The following PRKCB variants were observed in gnomAD, a reference collection of about 807,000 sequenced individuals.
The protein encoded by PRKCB is protein kinase C beta type.
A neutral mutation model predicts 81.5 loss-of-function variants in PRKCB; 13 were observed. The observed-to-expected ratio is 0.16, with a 90% CI of 0.10 to 0.25. The LOEUF (loss-of-function observed/expected upper bound fraction) is 0.25, where lower values mean the gene tolerates loss of function less well. Among genes scored for constraint, PRKCB ranks in the 10% least tolerant of loss-of-function variants. The pLI is 1.00. For synonymous variants in PRKCB, 335 were observed against 321.4 expected (o/e 1.04, Z -0.45); for missense variants, 509 against 875.7 (o/e 0.58, Z 5.29).
At chr16:24,067,393 G>A (rs1255068651) in intron 5 of PRKCB, among the ~76,000 whole-genome samples, 1 of 151,840 alleles carries the variant, frequency 6.6e-6, no homozygotes, top group Non-Finnish European at 1.5e-5. Flanking sequence ...TCTACCTCCT[G>A]GGCTCAAGCA....
chr16:23,962,791 T>C (rs577900947), intron 2 of PRKCB, among the ~76,000 whole-genome samples: 154 of 152,312 alleles, frequency 1.0e-3, no homozygotes, highest in African/African-American at 3.6e-3. Flanking sequence ...AGTGGTTTTT[T>C]TGGTTACATG....
chr16:24,092,996 G>C, intron 6 of PRKCB, 49 bp downstream of exon 6: 1 of 1,576,618 alleles, frequency 6.3e-7, no homozygotes, highest in South Asian at 1.2e-5. Context: ...GTTGGGTTAT[G>C]TGCCACCTGA....
At chr16:23,966,566 C>G (rs886116) in intron 2 of PRKCB, among the ~76,000 whole-genome samples, 11,499 of 152,168 alleles carry the variant, frequency 0.076, 478 homozygotes, top group Middle Eastern at 0.13. Context: ...CCCTTCGAAT[C>G]TAAAATCCCT....
At chr16:23,884,052 A>G (rs1963162935) in intron 2 of PRKCB, among the ~76,000 whole-genome samples, 1 of 152,220 alleles carries the variant, frequency 6.6e-6, no homozygotes, top group African/African-American at 2.4e-5. Flanking sequence ...TCAACATTTG[A>G]TATGTATTTT....
Position 24,218,399 on chromosome 16 carries a change from G to C in PRKCB, c.*3583G>C. On this transcript the variant is annotated 3_prime_UTR_variant, in exon 17 of 17. Coordinates refer to ENST00000643927, the MANE Select transcript of PRKCB (RefSeq NM_002738.7). ...CAAGCAGGACAAGACAAAAAGGGCA[G>C]GTGGGACATGGTAGAGATGGACCCT... is the stretch of plus-strand genomic sequence containing the variant. 1 of 985,274 alleles carries C rather than the reference G, an allele frequency of 1.0e-6. No individual in the cohort carries two copies. Among genetic ancestry groups the C allele is most frequent in the Non-Finnish European group, 1.2e-6 (1 of 829,922 alleles). 61.0% of individuals were successfully genotyped at this position (985,274 alleles called of 1,614,324 possible). A position where few individuals can be genotyped will look rare whatever the true frequency, so the allele number is the denominator to read the frequency against.
At chr16:24,105,257 A>G (rs1966560354) in intron 7 of PRKCB, among the ~76,000 whole-genome samples, 2 of 151,880 alleles carry the variant, frequency 1.3e-5, no homozygotes, top group African/African-American at 4.8e-5. Flanking sequence ...GGCCTTCACC[A>G]TGTTGGCCAG....
At chr16:24,140,014 A>C (rs939810471) in intron 9 of PRKCB, among the ~76,000 whole-genome samples, 1 of 152,198 alleles carries the variant, frequency 6.6e-6, no homozygotes, top group Non-Finnish European at 1.5e-5. Flanking sequence ...GCCTTCTCCT[A>C]AACAGACTGT....
intron 5 of PRKCB, among the ~76,000 whole-genome samples, chr16:24,052,402 G>A (rs1020864224): frequency 1.3e-5 from 2 of 152,188 alleles, no homozygotes; most frequent in African/African-American, 2.4e-5. Flanking sequence ...GAAAGAATTC[G>A]AGGCAAATCC....
intron 5 of PRKCB, among the ~76,000 whole-genome samples, chr16:24,089,444 C>T (rs78390272): frequency 0.036 from 5,441 of 152,122 alleles, 125 homozygotes; most frequent in East Asian, 0.11. Context: ...GATGTCAGTA[C>T]GTGTGGAAAT....
rs544733927 is a variant in PRKCB at position 24,218,690 on chromosome 16, C to G, written c.*3874C>G. The G allele has an allele frequency of 3.0e-6, 3 of 985,426 alleles. No homozygotes were observed. The highest frequency in any genetic ancestry group is 2.3e-4 in the East Asian group (2 of 8,812). 61.0% of individuals were successfully genotyped at this position (985,426 alleles called of 1,614,324 possible). The stretch of plus-strand genomic sequence containing the variant: ...GCTAGTGCCCATTAGGGGGCTAAAC[C>G]TAAAGCCTGGGTGGTGATGGCTCAA... On this transcript the variant is annotated 3_prime_UTR_variant, in exon 17 of 17. Transcript: ENST00000643927.
At chr16:24,151,990 A>G (rs1967087212) in intron 9 of PRKCB, 1 of 434,650 alleles carries the variant, frequency 2.3e-6, no homozygotes, top group South Asian at 1.6e-5. Context: ...GAAGGTGTCT[A>G]GGGCCCCTCC....
intron 2 of PRKCB, among the ~76,000 whole-genome samples, chr16:23,854,884 G>T (rs1402042993): frequency 6.6e-6 from 1 of 152,064 alleles, no homozygotes. Flanking sequence ...TCAAAGGCAG[G>T]CCCCAAATGA....
chr16:23,907,045 A>G (rs1963570710), intron 2 of PRKCB, among the ~76,000 whole-genome samples: 1 of 152,156 alleles, frequency 6.6e-6, no homozygotes, highest in South Asian at 2.1e-4. Context: ...AGTTACAGCA[A>G]GATTTCTCAA....
intron 2 of PRKCB, among the ~76,000 whole-genome samples, chr16:23,928,279 C>A (rs1963923702): frequency 6.6e-6 from 1 of 151,958 alleles, no homozygotes; most frequent in South Asian, 2.1e-4. Flanking sequence ...ATGCCCACGA[C>A]CATGCCCGGC....
At chr16:24,188,996 C>A (rs1967747831) in intron 15 of PRKCB, among the ~76,000 whole-genome samples, 1 of 152,172 alleles carries the variant, frequency 6.6e-6, no homozygotes, top group Non-Finnish European at 1.5e-5. Context: ...TCAGTGTGAA[C>A]CAAAACCTCA....
intron 9 of PRKCB, among the ~76,000 whole-genome samples, chr16:24,140,587 C>T (rs923831616): frequency 6.6e-6 from 1 of 151,974 alleles, no homozygotes; most frequent in African/African-American, 2.4e-5. Flanking sequence ...GGAAAATGGT[C>T]CTTATGCTCT....
At chr16:24,116,156 G>A (rs920384836) in intron 8 of PRKCB, among the ~76,000 whole-genome samples, 11 of 152,282 alleles carry the variant, frequency 7.2e-5, no homozygotes, top group Non-Finnish European at 1.3e-4. Flanking sequence ...CCATTAGTGA[G>A]TGTATTCCTG....
At chr16:23,948,576 G>T (rs570399388) in intron 2 of PRKCB, among the ~76,000 whole-genome samples, 1 of 145,690 alleles carries the variant, frequency 6.9e-6, no homozygotes, top group Admixed American at 6.8e-5. Flanking sequence ...GCTAATTTTT[G>T]TATTTTTAGT....
At chr16:23,862,597 AT>A (rs951561847) in intron 2 of PRKCB, among the ~76,000 whole-genome samples, 8 of 152,034 alleles carry the variant, frequency 5.3e-5, no homozygotes, top group Admixed American at 1.3e-4. Flanking sequence ...TCAGGAAAAA[AT>A]TTTTTTTTCG....
Sources: gnomAD v4.1 joint callset for allele counts (sites outside exome capture counted in the v4.1 genomes callset) on GRCh38, gnomAD v4.1.1 for gene constraint, MANE v1.5 for transcripts, NCBI Gene and HGNC (gene_info 2026-07-23, HGNC 2026-07-21) for gene names.